USP24: variants seen among roughly 807,000 people sequenced by gnomAD.
USP24 encodes ubiquitin carboxyl-terminal hydrolase 24.
USP24 carries 97 observed loss-of-function variants against 361.6 expected under a neutral mutation model. That is an observed-to-expected ratio of 0.27 (90% confidence interval 0.23 to 0.32). USP24 has a LOEUF of 0.32. USP24 is among the 10% of genes least tolerant of loss of function. The pLI is 1.00. For missense variants in USP24, 2,353 were observed against 3,165.6 expected, an observed-to-expected ratio of 0.74 and a Z score of 6.16; for synonymous variants, 1,098 against 1,124.6, an observed-to-expected ratio of 0.98 and a Z score of 0.47.
chr1:55,206,462 G>A (rs913527240), intron 1 of USP24, among the ~76,000 whole-genome samples: 3 of 152,094 alleles, frequency 2.0e-5, no homozygotes, highest in Non-Finnish European at 2.9e-5. Context: ...CAGCTAAACT[G>A]CAAAAGAGCT....
Position 55,097,947 on chromosome 1 carries a change from T to C in USP24, c.5591A>G (p.Glu1864Gly). 6.3e-7 allele frequency: 1 copy of C among 1,596,132 alleles called. No individual in the cohort carries two copies. Among genetic ancestry groups the C allele is most frequent in the African/African-American group, 1.4e-5 (1 of 73,726 alleles). The part of the protein sequence containing the change: ...SNAYYCEKCK[E>G]KRITVKRTCI... ...TAAAAAGGGCAAACATAATACCTTT[T>C]CTTTACACTTTTCACAGTAGTACGC... Residue 1864 changes from glutamate (E) to glycine (G), a missense_variant, in exon 47 of 68, where the codon GAA becomes GGA. Around this residue, in one of 8 missense-constraint regions of USP24, gnomAD observed 105 missense variants for 200.3 expected, o/e 0.52. Transcript: ENST00000294383.
chr1:55,188,724 T>C (rs936077289), intron 1 of USP24, among the ~76,000 whole-genome samples: 2 of 151,922 alleles, frequency 1.3e-5, no homozygotes, highest in Non-Finnish European at 2.9e-5. Context: ...TTTGGGAGGC[T>C]GAGGCAGGTG....
chr1:55,140,012 C>T lies in USP24; in HGVS notation c.2751-1002G>A, dbSNP rs1355107693. Among the ~76,000 whole-genome samples the T allele has an allele frequency of 2.0e-5, 3 of 152,008 alleles. No individual in the cohort carries two copies. The South Asian group carries it at 6.2e-4, about 32-fold the overall frequency. On this transcript the variant is annotated intron_variant, in intron 24 of 67. Coordinates refer to ENST00000294383, the MANE Select transcript of USP24 (RefSeq NM_015306.3). ...TACAGATGACAGAAACCCCCCCCAC[C>T]CCAAGTTGGAACAATTATGGATACT...
Position 55,178,279 on chromosome 1 carries a change from A to T in USP24, c.325-147T>A. On this transcript the variant is annotated intron_variant, in intron 1 of 67. Transcript: ENST00000294383. ...TTCTACCTTTCTTTCCTATAATCAC[A>T]TCTTTCACCAAGAATATCTCAAATA... 3 of 858,910 alleles carry T rather than the reference A, an allele frequency of 3.5e-6. No homozygotes were observed. The South Asian group carries it at 5.1e-5, about 15-fold the overall frequency. 53.2% of individuals were successfully genotyped at this position (858,910 alleles called of 1,614,324 possible).
At chr1:55,162,038 C>A (rs1363732520) in intron 8 of USP24, among the ~76,000 whole-genome samples, 161 bp downstream of exon 8, 1 of 152,082 alleles carries the variant, frequency 6.6e-6, no homozygotes, top group East Asian at 1.9e-4. Context: ...AATTATTCAA[C>A]AATTTTTATT....
chr1:55,200,808 A>C lies in USP24; in HGVS notation c.324+13982T>G, dbSNP rs570195023. ...GAGCTCACCTAAGTGATGTAACAAA[A>C]CTACATAAAAACAGACTGGCAAACA... is the stretch of plus-strand genomic sequence containing the variant. On this transcript the variant is annotated intron_variant, in intron 1 of 67. Transcript: ENST00000294383. Among the ~76,000 whole-genome samples, 13 of 152,324 alleles carry C rather than the reference A, an allele frequency of 8.5e-5. No homozygotes were observed. In the South Asian group the frequency reaches 2.7e-3, roughly 32 times the overall value.
chr1:55,206,759 G>A (rs1644717902), intron 1 of USP24, among the ~76,000 whole-genome samples: 1 of 151,480 alleles, frequency 6.6e-6, no homozygotes, highest in South Asian at 2.1e-4. Flanking sequence ...ATAAGAATAG[G>A]CTATTCCATA....
chr1:55,153,961 C>T (rs1004021580), intron 15 of USP24, 44 bp from the exon 16 acceptor site: 2 of 1,544,140 alleles, frequency 1.3e-6, no homozygotes, highest in East Asian at 2.4e-5. Context: ...TTGGTAAAAG[C>T]AATACCTATA....
At chr1:55,158,400 T>A (rs1647915503) in intron 10 of USP24, among the ~76,000 whole-genome samples, 1 of 152,242 alleles carries the variant, frequency 6.6e-6, no homozygotes, top group Non-Finnish European at 1.5e-5. Context: ...ATTGGCTCCA[T>A]GTGTCACACA....
intron 7 of USP24, among the ~76,000 whole-genome samples, chr1:55,164,376 T>C (rs1320003897): frequency 6.6e-6 from 1 of 152,054 alleles, no homozygotes; most frequent in African/African-American, 2.4e-5. Flanking sequence ...TCTTGTTTTG[T>C]ATAGGTGTTT....
At chr1:55,137,925 C>A (rs769480282) in intron 26 of USP24, 21 bp from the exon 27 acceptor site, 2 of 1,552,240 alleles carry the variant, frequency 1.3e-6, no homozygotes, top group South Asian at 2.4e-5. Flanking sequence ...AAATTAAACA[C>A]GTTGTGAGAG....
At chr1:55,120,921 T>C (rs1196646267) in intron 37 of USP24, among the ~76,000 whole-genome samples, 165 bp from the exon 38 acceptor site, 1 of 152,220 alleles carries the variant, frequency 6.6e-6, no homozygotes, top group Non-Finnish European at 1.5e-5. Flanking sequence ...TTTTAATGGC[T>C]AATTAAAACC....
intron 1 of USP24, among the ~76,000 whole-genome samples, chr1:55,205,450 A>G (rs1644681205): frequency 6.6e-6 from 1 of 152,234 alleles, no homozygotes; most frequent in Non-Finnish European, 1.5e-5. Flanking sequence ...GCTGAATTGC[A>G]TCTTCTGAGC....
At chr1:55,203,778 G>C (rs1265627618) in intron 1 of USP24, among the ~76,000 whole-genome samples, 5 of 152,182 alleles carry the variant, frequency 3.3e-5, no homozygotes, top group Admixed American at 3.3e-4. Context: ...AGGTGTCAGT[G>C]TATCTGCACA....
At chr1:55,133,933 G>T in intron 30 of USP24, 137 bp downstream of exon 30, 1 of 836,900 alleles carries the variant, frequency 1.2e-6, no homozygotes, top group Non-Finnish European at 1.9e-6. Flanking sequence ...GCACTGGGCT[G>T]GTGAAGGTAT....
chr1:55,165,151 T>G (rs1253679178), intron 7 of USP24, among the ~76,000 whole-genome samples: 4 of 152,138 alleles, frequency 2.6e-5, no homozygotes, highest in Non-Finnish European at 5.9e-5. Flanking sequence ...CAAAAATAAC[T>G]GCAACTGTAA....
In USP24 at chr1:55,096,622, T is replaced by G; in HGVS notation, c.5937A>C (p.Arg1979=). 6.2e-7 allele frequency: 1 copy of G among 1,603,774 alleles called. No individual in the cohort carries two copies. Among genetic ancestry groups the G allele is most frequent in the Non-Finnish European group, 8.5e-7 (1 of 1,177,394 alleles). ...TATACCACTTTCCTTTTCCACACCC[T>G]CTAGAACCCAGAGATCAGACAAACA... The part of the protein sequence containing the change: ...GHYYSFIKDR[R]GCGKGKWYKF... The change falls in exon 50 of 68, where the codon CGA becomes CGC. Residue 1979 remains arginine (R), a splice_region_variant and synonymous_variant. Coordinates refer to ENST00000294383, the MANE Select transcript of USP24 (RefSeq NM_015306.3).
intron 61 of USP24, 98 bp from the exon 62 acceptor site, chr1:55,077,398 G>C: frequency 9.1e-7 from 1 of 1,101,706 alleles, no homozygotes; most frequent in South Asian, 1.7e-5. Flanking sequence ...TCACCTTCTG[G>C]CCGACCCTGG....
chr1:55,206,052 G>A (rs1644694502), intron 1 of USP24, among the ~76,000 whole-genome samples: 2 of 152,156 alleles, frequency 1.3e-5, no homozygotes, highest in South Asian at 4.1e-4. Flanking sequence ...ACAGAACCCT[G>A]AACAGAAAGG....
Sources: allele counts gnomAD v4.1 joint callset (sites outside exome capture counted in the v4.1 genomes callset), GRCh38; gene constraint gnomAD v4.1.1; regional missense constraint gnomAD v4.1.1; transcripts MANE v1.5; gene names NCBI Gene and HGNC (gene_info 2026-07-23, HGNC 2026-07-21).